The following MARCHF4 variants were observed in gnomAD, a reference collection of about 807,000 sequenced individuals.
The protein encoded by MARCHF4 is E3 ubiquitin-protein ligase MARCHF4.
MARCHF4 carries 14 observed loss-of-function variants against 43.9 expected under a neutral mutation model. The observed-to-expected ratio is 0.32, with a 90% CI of 0.21 to 0.50. MARCHF4 has a LOEUF of 0.50. MARCHF4 is among the 20% of genes least tolerant of loss of function. The probability of loss-of-function intolerance (pLI) is 0.98; values close to 1 mark genes in which losing one functional copy is unlikely to be tolerated. For missense variants in MARCHF4, 468 were observed against 536.7 expected (o/e 0.87, Z 1.27); for synonymous variants, 226 against 213.3 (o/e 1.06, Z -0.52).
chr2:216,274,001 G>A (rs961629032), intron 3 of MARCHF4, among the ~76,000 whole-genome samples: 13 of 152,232 alleles, frequency 8.5e-5, no homozygotes, highest in Non-Finnish European at 7.3e-5. Context: ...TGGAGTGTCG[G>A]TTGTGTTACA....
chr2:216,358,074 T>C (rs1290255794), intron 1 of MARCHF4, among the ~76,000 whole-genome samples: 1 of 152,234 alleles, frequency 6.6e-6, no homozygotes, highest in Non-Finnish European at 1.5e-5. Context: ...TTTTATTGTA[T>C]GTTTGTATTC....
chr2:216,285,848 G>A (rs1481132294), intron 1 of MARCHF4, among the ~76,000 whole-genome samples: 1 of 152,190 alleles, frequency 6.6e-6, no homozygotes, highest in African/African-American at 2.4e-5. Context: ...TTGATTAATC[G>A]GATTGTTAAG....
chr2:216,357,303 G>A (rs1206175333), intron 1 of MARCHF4, among the ~76,000 whole-genome samples: 1 of 151,716 alleles, frequency 6.6e-6, no homozygotes, highest in Non-Finnish European at 1.5e-5. Context: ...CCATCATTCT[G>A]TATGTACACT....
chr2:216,333,149 A>G (rs188426686), intron 1 of MARCHF4, among the ~76,000 whole-genome samples: 4 of 152,240 alleles, frequency 2.6e-5, no homozygotes, highest in Admixed American at 1.3e-4. Flanking sequence ...AAAGGGAAAA[A>G]TTGATAAAAT....
intron 1 of MARCHF4, among the ~76,000 whole-genome samples, chr2:216,312,797 T>A (rs1228165921): frequency 2.6e-5 from 4 of 152,178 alleles, no homozygotes; most frequent in Admixed American, 6.5e-5. Flanking sequence ...GTCAGAGGCA[T>A]AATTTGCAAT....
rs185525547 is a variant in MARCHF4 at position 216,298,229 on chromosome 2, T to C, written c.517-14500A>G. Among the ~76,000 whole-genome samples, 365 of 151,854 alleles carry C rather than the reference T, an allele frequency of 2.4e-3. 1 individual carries two copies. Among genetic ancestry groups the C allele is most frequent in the African/African-American group, 8.5e-3 (353 of 41,456 alleles). On this transcript the variant is annotated intron_variant, in intron 1 of 3. Transcript: ENST00000273067. ...TGATCATTTCAACAACCACTTTTTT[T>C]CCAGACTACTTTTACCAGTCTTTTA...
At chr2:216,357,054 A>T (rs1322938932) in intron 1 of MARCHF4, among the ~76,000 whole-genome samples, 1 of 152,124 alleles carries the variant, frequency 6.6e-6, no homozygotes, top group Non-Finnish European at 1.5e-5. Flanking sequence ...GATAGCACAA[A>T]GATTTCTCAT....
In MARCHF4 at chr2:216,347,429, G is replaced by A. The variant is rs115451135; in HGVS notation, c.516+22316C>T. 5.3e-3 allele frequency among the ~76,000 whole-genome samples: 805 copies of A among 152,338 alleles called. 7 individuals are homozygous for A. Among genetic ancestry groups the A allele is most frequent in the African/African-American group, 0.018 (761 of 41,572 alleles). The stretch of plus-strand genomic sequence containing the variant: ...CAGGAGCAAGAGAGGAGGGTAGCTT[G>A]AACTGAGATGGTGGCAGTATAAACA... On this transcript the variant is annotated intron_variant, in intron 1 of 3. Coordinates refer to ENST00000273067, the MANE Select transcript of MARCHF4 (RefSeq NM_020814.3).
chr2:216,354,615 G>A (rs1458339421), intron 1 of MARCHF4, among the ~76,000 whole-genome samples: 4 of 152,194 alleles, frequency 2.6e-5, no homozygotes, highest in African/African-American at 9.6e-5. Flanking sequence ...TGTACTGAGT[G>A]GTCACTGATC....
chr2:216,293,205 G>A (rs531180532), intron 1 of MARCHF4, among the ~76,000 whole-genome samples: 5 of 152,224 alleles, frequency 3.3e-5, no homozygotes, highest in South Asian at 4.1e-4. Flanking sequence ...TGCACCACCC[G>A]TCCATGGCAT....
intron 1 of MARCHF4, among the ~76,000 whole-genome samples, chr2:216,336,741 T>TAAAAAA (rs779932039): frequency 3.7e-5 from 2 of 54,132 alleles, no homozygotes; most frequent in Admixed American, 2.4e-4. Context: ...GCAAATAGAT[T>TAAAAAA]TAAAAAAAAA....
intron 3 of MARCHF4, among the ~76,000 whole-genome samples, chr2:216,261,265 G>A (rs917666123): frequency 1.3e-5 from 2 of 152,154 alleles, no homozygotes; most frequent in Admixed American, 6.5e-5. Context: ...TCTTTCTGGA[G>A]GCTTTGAGGG....
chr2:216,320,834 CT>C lies in MARCHF4; in HGVS notation c.517-37106del, dbSNP rs1181410298. 9.6e-3 allele frequency among the ~76,000 whole-genome samples: 1,126 copies of C among 116,812 alleles called. 10 individuals are homozygous for C. Among genetic ancestry groups the C allele is most frequent in the African/African-American group, 0.031 (931 of 29,596 alleles). The allele number at this position is 116,812 out of a possible 152,430, so 76.6% of individuals were successfully genotyped here. On this transcript the variant is annotated intron_variant, in intron 1 of 3. Coordinates refer to ENST00000273067, the MANE Select transcript of MARCHF4 (RefSeq NM_020814.3). Reference sequence around the variant, plus strand: ...TACAGGCATGCACTACCATGCCTGGCTTTTTTTTTTTTTTTTTTGTATTTTT... The same window carrying C: ...TACAGGCATGCACTACCATGCCTGGCTTTTTTTTTTTTTTTTTGTATTTTT...
At chr2:216,275,336 C>T (rs1271435019) in intron 3 of MARCHF4, among the ~76,000 whole-genome samples, 2 of 152,116 alleles carry the variant, frequency 1.3e-5, no homozygotes, top group Non-Finnish European at 2.9e-5. Context: ...CCAGGCTGAG[C>T]GGGAGTGCTG....
At chr2:216,283,290 T>C (rs537184019) in intron 2 of MARCHF4, among the ~76,000 whole-genome samples, 1 of 152,252 alleles carries the variant, frequency 6.6e-6, no homozygotes, top group Admixed American at 6.5e-5. Context: ...TTTCACTTAC[T>C]TATTCTCCCT....
At chr2:216,333,627 T>A (rs1213955267) in intron 1 of MARCHF4, among the ~76,000 whole-genome samples, 2 of 152,202 alleles carry the variant, frequency 1.3e-5, no homozygotes, top group Admixed American at 6.5e-5. Context: ...ATAGGAATCA[T>A]AAAATCAGCT....
Position 216,369,845 on chromosome 2 carries a change from A to G in MARCHF4, c.416T>C (p.Phe139Ser), listed in dbSNP as rs774497662. ...GCGATCCTCGGTCTTCTCCTTACAGAAGTCATCTGAGGAGGCACTGCTGAG... is the reference window on the plus strand; with the variant it reads ...GCGATCCTCGGTCTTCTCCTTACAGGAGTCATCTGAGGAGGCACTGCTGAG... ...SLLSSASSDD[F>S]CKEKTEDRYS... Residue 139 changes from phenylalanine to serine, a missense_variant, in exon 1 of 4, where the codon TTC becomes TCC. By Grantham distance (155) the Phe-to-Ser change is radical. Transcript: ENST00000273067. The G allele has an allele frequency of 8.1e-6, 13 of 1,613,912 alleles. No individual in the cohort carries two copies. The South Asian group carries it at 1.3e-4, about 16-fold the overall frequency.
At chr2:216,286,421 G>A (rs1041168695) in intron 1 of MARCHF4, among the ~76,000 whole-genome samples, 6 of 151,698 alleles carry the variant, frequency 4.0e-5, no homozygotes, top group South Asian at 4.2e-4. Context: ...CTCCTAAAAC[G>A]CCAGCTACTC....
intron 1 of MARCHF4, among the ~76,000 whole-genome samples, chr2:216,331,292 A>G (rs1356527116): frequency 6.6e-6 from 1 of 152,088 alleles, no homozygotes; most frequent in African/African-American, 2.4e-5. Flanking sequence ...GCACAATTTA[A>G]AAAAAACAAT....
Sources: allele counts gnomAD v4.1 joint callset (sites outside exome capture counted in the v4.1 genomes callset), GRCh38; gene constraint gnomAD v4.1.1; transcripts MANE v1.5; gene names NCBI Gene and HGNC (gene_info 2026-07-23, HGNC 2026-07-21).